GABRA2: variants seen among roughly 807,000 people sequenced by gnomAD.
GABRA2 encodes the protein gamma-aminobutyric acid receptor subunit alpha-2.
In GABRA2, 16 loss-of-function variants were observed where a neutral mutation model predicts 48.7. The ratio of observed to expected loss-of-function variants is 0.33; its 90% CI spans 0.22 to 0.50. GABRA2 has a LOEUF of 0.50. Ranked by LOEUF, GABRA2 falls within the 20% of genes least tolerant of loss-of-function variation. GABRA2 has a pLI of 0.98. For missense variants in GABRA2, 275 were observed against 535.6 expected, an observed-to-expected ratio of 0.51 and a Z score of 4.80; for synonymous variants, 185 against 184.5, an observed-to-expected ratio of 1.00 and a Z score of -0.02.
chr4:46,320,617 T>TA (rs1222560385), intron 4 of GABRA2, among the ~76,000 whole-genome samples: 1 of 151,748 alleles, frequency 6.6e-6, no homozygotes, highest in East Asian at 1.9e-4. Context: ...AGTTCTCCAA[T>TA]AAAAACACAA....
At chr4:46,344,335 G>A (rs1265533697) in intron 3 of GABRA2, among the ~76,000 whole-genome samples, 2 of 151,858 alleles carry the variant, frequency 1.3e-5, no homozygotes, top group African/African-American at 4.8e-5. Context: ...GTAGTCTGAG[G>A]CCTGGAATAT....
At chr4:46,254,197 A>G (rs192267270) in intron 9 of GABRA2, among the ~76,000 whole-genome samples, 62 of 151,654 alleles carry the variant, frequency 4.1e-4, no homozygotes, top group African/African-American at 1.5e-3. Context: ...GGGAGAAATC[A>G]TACTATAGAG....
intron 8 of GABRA2, among the ~76,000 whole-genome samples, chr4:46,286,968 T>C (rs942404978): frequency 6.6e-6 from 1 of 152,180 alleles, no homozygotes; most frequent in Non-Finnish European, 1.5e-5. Flanking sequence ...ACAATTTATT[T>C]ATTTATTTCT....
At position 46,374,064 on chromosome 4, in the gene GABRA2, A is replaced by G. The variant is rs16859351; in HGVS notation, c.187+12010T>C. ...TGAAAATTTTGAAGAGTTTCTCTATATGATCACAGTAACAACAGTGAATTT... is the reference window on the plus strand; with the variant it reads ...TGAAAATTTTGAAGAGTTTCTCTATGTGATCACAGTAACAACAGTGAATTT... On this transcript the variant is annotated intron_variant, in intron 3 of 9. Transcript: ENST00000381620. Among the ~76,000 whole-genome samples, 1,289 of 152,242 alleles carry G rather than the reference A, an allele frequency of 8.5e-3. 16 individuals are homozygous for G. The highest frequency in any genetic ancestry group is 0.029 in the African/African-American group (1,198 of 41,522).
Position 46,297,456 on chromosome 4 carries a change from A to T in GABRA2, c.856+6004T>A, listed in dbSNP as rs1041904807. Among the ~76,000 whole-genome samples the T allele has an allele frequency of 2.2e-4, 27 of 124,456 alleles. 2 individuals carry two copies. The highest frequency in any genetic ancestry group is 4.1e-4 in the Non-Finnish European group (25 of 60,466). 81.6% of individuals were successfully genotyped at this position (124,456 alleles called of 152,430 possible). A position where few individuals can be genotyped will look rare whatever the true frequency, so the allele number is the denominator to read the frequency against. On this transcript the variant is annotated intron_variant, in intron 8 of 9. Transcript: ENST00000381620. Reference sequence around the variant, plus strand: ...GTGGGACCTTGTGTTCATGTGAGTTAATACTACTTAATAAAATCCCATATA... The same window carrying T: ...GTGGGACCTTGTGTTCATGTGAGTTTATACTACTTAATAAAATCCCATATA...
At chr4:46,305,155 T>C (rs1457461306) in intron 7 of GABRA2, among the ~76,000 whole-genome samples, 4 of 148,684 alleles carry the variant, frequency 2.7e-5, no homozygotes, top group Admixed American at 6.9e-5. Context: ...CAGCAAACTA[T>C]CGCAAGGACA....
At chr4:46,355,155 T>A (rs1254250215) in intron 3 of GABRA2, among the ~76,000 whole-genome samples, 1 of 152,122 alleles carries the variant, frequency 6.6e-6, no homozygotes, top group Non-Finnish European at 1.5e-5. Flanking sequence ...GTGCTAAAAA[T>A]TTATATTAAA....
At chr4:46,329,397 C>T (rs549154143) in intron 4 of GABRA2, among the ~76,000 whole-genome samples, 99 of 152,024 alleles carry the variant, frequency 6.5e-4, no homozygotes, top group Non-Finnish European at 1.2e-3. Context: ...CAGCTTCAAA[C>T]GACTGACATG....
intron 3 of GABRA2, among the ~76,000 whole-genome samples, chr4:46,356,201 T>C (rs947906912): frequency 6.6e-6 from 1 of 152,176 alleles, no homozygotes; most frequent in Non-Finnish European, 1.5e-5. Context: ...GCTGGACATC[T>C]CGGAAAATCA....
At chr4:46,295,646 T>G (rs1392664739) in intron 8 of GABRA2, among the ~76,000 whole-genome samples, 1 of 152,156 alleles carries the variant, frequency 6.6e-6, no homozygotes, top group Non-Finnish European at 1.5e-5. Context: ...AAGGCTGACC[T>G]GGCTACAGCC....
intron 9 of GABRA2, among the ~76,000 whole-genome samples, chr4:46,252,909 A>G (rs1577755375): frequency 6.6e-6 from 1 of 151,594 alleles, no homozygotes; most frequent in African/African-American, 2.4e-5. Context: ...GTAATAAACA[A>G]ATGGACGAAT....
Position 46,270,994 on chromosome 4 carries a change from TA to T in GABRA2, c.857-8867del, listed in dbSNP as rs397993238. Among the ~76,000 whole-genome samples, 449 of 144,690 alleles carry T rather than the reference TA, an allele frequency of 3.1e-3. 1 individual carries two copies. In the Middle Eastern group the frequency reaches 0.038, roughly 12 times the overall value. 94.9% of individuals were successfully genotyped at this position (144,690 alleles called of 152,430 possible). A position where few individuals can be genotyped will look rare whatever the true frequency, so the allele number is the denominator to read the frequency against. ...CATGTAAAGCTGTGCCCCTACTATA[TA>T]AAAAAAAAAAAATACTTCAATGCAT... On this transcript the variant is annotated intron_variant, in intron 8 of 9. Coordinates refer to ENST00000381620, the MANE Select transcript of GABRA2 (RefSeq NM_000807.4).
chr4:46,310,310 C>G (rs1727419843), intron 5 of GABRA2, 55 bp from the exon 6 acceptor site: 2 of 1,308,022 alleles, frequency 1.5e-6, no homozygotes, highest in South Asian at 2.4e-5. Flanking sequence ...CAAGAAAAAT[C>G]ACTCGTCATT....
At chr4:46,330,585 T>TAGAGAGAGAGAGAGAG (rs1284493121) in intron 4 of GABRA2, among the ~76,000 whole-genome samples, 49 of 117,660 alleles carry the variant, frequency 4.2e-4, no homozygotes, top group East Asian at 1.6e-3. Context: ...TATATATATA[T>TAGAGAGAGAGAGAGAG]ATATATAGAG....
At chr4:46,272,396 T>A (rs1415049029) in intron 8 of GABRA2, among the ~76,000 whole-genome samples, 1 of 151,992 alleles carries the variant, frequency 6.6e-6, no homozygotes, top group African/African-American at 2.4e-5. Context: ...AAATATTTAT[T>A]TTTTAGGATA....
At position 46,325,866 on chromosome 4, in the gene GABRA2, T is replaced by C. The variant is rs118098210; in HGVS notation, c.255+6749A>G. ...CCACTGCTTGTTTTTGTCGACTTTGTCAAAGATTATCTAGCTATAAGTGCG... is the reference window on the plus strand; with the variant it reads ...CCACTGCTTGTTTTTGTCGACTTTGCCAAAGATTATCTAGCTATAAGTGCG... On this transcript the variant is annotated intron_variant, in intron 4 of 9. Transcript: ENST00000381620. Among the ~76,000 whole-genome samples, 46 of 152,116 alleles carry C rather than the reference T, an allele frequency of 3.0e-4. No homozygotes were observed. The East Asian group carries it at 8.3e-3, about 28-fold the overall frequency.
chr4:46,268,435 GA>G (rs1335060837), intron 8 of GABRA2, among the ~76,000 whole-genome samples: 1 of 151,720 alleles, frequency 6.6e-6, no homozygotes, highest in African/African-American at 2.4e-5. Context: ...ACAGATACAT[GA>G]AAAAAATGGC....
intron 3 of GABRA2, among the ~76,000 whole-genome samples, chr4:46,341,463 C>A (rs1228953932): frequency 6.6e-6 from 1 of 151,956 alleles, no homozygotes; most frequent in African/African-American, 2.4e-5. Context: ...TGTTTAGTGA[C>A]TTTATAGGAC....
intron 3 of GABRA2, among the ~76,000 whole-genome samples, chr4:46,375,391 T>C (rs1715539174): frequency 6.6e-6 from 1 of 152,198 alleles, no homozygotes; most frequent in African/African-American, 2.4e-5. Flanking sequence ...ATATAACTCT[T>C]CATAAGTTTT....
Sources: allele counts gnomAD v4.1 joint callset (sites outside exome capture counted in the v4.1 genomes callset), GRCh38; gene constraint gnomAD v4.1.1; transcripts MANE v1.5; gene names NCBI Gene and HGNC (gene_info 2026-07-23, HGNC 2026-07-21).